The following CYFIP2 variants were observed in gnomAD, a reference collection of about 807,000 sequenced individuals.
CYFIP2 encodes cytoplasmic FMR1 interacting protein 2.
CYFIP2 carries 29 observed loss-of-function variants against 158.7 expected under a neutral mutation model. That is an observed-to-expected ratio of 0.18 (90% CI 0.14 to 0.25). The LOEUF (loss-of-function observed/expected upper bound fraction) is 0.25, where lower values mean the gene tolerates loss of function less well. Among genes scored for constraint, CYFIP2 ranks in the 10% least tolerant of loss-of-function variants. The probability of loss-of-function intolerance (pLI) is 1.00; values close to 1 mark genes in which losing one functional copy is unlikely to be tolerated. For missense variants in CYFIP2, 852 were observed against 1,639.5 expected (o/e 0.52, Z 8.29); for synonymous variants, 585 against 617.6 (o/e 0.95, Z 0.78).
chr5:157,341,602 A>G (rs1762262701), intron 23 of CYFIP2: 1 of 162,350 alleles, frequency 6.2e-6, no homozygotes, highest in Admixed American at 6.0e-5. Context: ...AACAGCTGTG[A>G]GTATATGAAT....
chr5:157,312,338 T>TA (rs1467725568), intron 11 of CYFIP2, among the ~76,000 whole-genome samples: 1 of 151,828 alleles, frequency 6.6e-6, no homozygotes. Flanking sequence ...TTTTTTTTTT[T>TA]AATGGAGACA....
chr5:157,335,687 T>C (rs190510186), intron 21 of CYFIP2, among the ~76,000 whole-genome samples: 5 of 152,316 alleles, frequency 3.3e-5, no homozygotes, highest in Admixed American at 2.0e-4. Context: ...GGTCACTTAC[T>C]CCAGGAGACT....
intron 1 of CYFIP2, among the ~76,000 whole-genome samples, chr5:157,268,050 AG>A (rs1755761303): frequency 6.6e-6 from 1 of 152,274 alleles, no homozygotes; most frequent in African/African-American, 2.4e-5. Flanking sequence ...TTGTGTACAC[AG>A]GGTTCCTCGT....
intron 20 of CYFIP2, among the ~76,000 whole-genome samples, chr5:157,331,209 G>A (rs1402988505): frequency 1.3e-5 from 2 of 152,020 alleles, no homozygotes; most frequent in African/African-American, 4.8e-5. Flanking sequence ...TCTAAGTGAG[G>A]AAGACTGTGG....
intron 26 of CYFIP2, among the ~76,000 whole-genome samples, chr5:157,375,066 C>A (rs1159350720): frequency 2.0e-5 from 3 of 152,152 alleles, no homozygotes; most frequent in East Asian, 3.9e-4. Flanking sequence ...TCAGCATTCC[C>A]AACTTGAGAC....
At chr5:157,307,524 A>G (rs1759332558) in intron 8 of CYFIP2, among the ~76,000 whole-genome samples, 1 of 152,178 alleles carries the variant, frequency 6.6e-6, no homozygotes, top group African/African-American at 2.4e-5. Flanking sequence ...GTAAGGGCTG[A>G]AGAAGTAGCT....
chr5:157,337,313 C>G (rs572458082), intron 21 of CYFIP2, among the ~76,000 whole-genome samples: 2 of 152,174 alleles, frequency 1.3e-5, no homozygotes, highest in African/African-American at 4.8e-5. Flanking sequence ...AAATTCTGAC[C>G]TTCTTTTGAA....
chr5:157,303,454 G>A (rs1758948422), intron 7 of CYFIP2, among the ~76,000 whole-genome samples: 1 of 152,170 alleles, frequency 6.6e-6, no homozygotes, highest in Admixed American at 6.5e-5. Context: ...CCCAACATAA[G>A]CAAGACAAGC....
At chr5:157,288,471 G>A (rs559654833) in intron 3 of CYFIP2, 3 of 389,846 alleles carry the variant, frequency 7.7e-6, no homozygotes, top group East Asian at 7.7e-5. Context: ...CATTCAATAA[G>A]TATTGTGTGG....
chr5:157,364,201 T>TGGGGGGGGGGGGG (rs1330747273), intron 26 of CYFIP2: 1 of 15,110 alleles, frequency 6.6e-5, no homozygotes, highest in East Asian at 9.7e-4. Flanking sequence ...TGGGGCGGGG[T>TGGGGGGGGGGGGG]GGCGGGGGGG....
chr5:157,364,201 T>TGGGGGGGGGGGGGGG (rs1330747273), intron 26 of CYFIP2: 3 of 15,108 alleles, frequency 2.0e-4, no homozygotes, highest in East Asian at 1.9e-3. Flanking sequence ...TGGGGCGGGG[T>TGGGGGGGGGGGGGGG]GGCGGGGGGG....
chr5:157,271,517 TA>T (rs1381435262), intron 1 of CYFIP2: 1 of 152,384 alleles, frequency 6.6e-6, no homozygotes, highest in Non-Finnish European at 1.5e-5. Flanking sequence ...ATGCAAGCAA[TA>T]ATATCACACA....
At chr5:157,286,319 C>T (rs897300523) in intron 2 of CYFIP2, among the ~76,000 whole-genome samples, 1 of 149,896 alleles carries the variant, frequency 6.7e-6, no homozygotes, top group African/African-American at 2.4e-5. Flanking sequence ...CGGATATATA[C>T]CTTTTTTACC....
At chr5:157,296,529 G>A (rs1034632401) in intron 4 of CYFIP2, 144 bp from the exon 5 acceptor site, 1 of 726,764 alleles carries the variant, frequency 1.4e-6, no homozygotes, top group South Asian at 1.5e-5. Flanking sequence ...GGGAGGTTGA[G>A]GTTTCAGTGA....
intron 26 of CYFIP2, chr5:157,363,110 TCATGGCTGACTCAG>T (rs1763990777): frequency 6.6e-6 from 1 of 152,436 alleles, no homozygotes; most frequent in East Asian, 1.9e-4. Context: ...TTGCTCTGCC[TCATGGCTGACTCAG>T]AGACTGTGCT....
At chr5:157,348,702 G>GC (rs1478871367) in intron 23 of CYFIP2, among the ~76,000 whole-genome samples, 4 of 152,020 alleles carry the variant, frequency 2.6e-5, no homozygotes, top group Non-Finnish European at 4.4e-5. Context: ...GTGAGCCACT[G>GC]CCCCCCGCCT....
At chr5:157,378,632 A>G (rs1197330911) in intron 26 of CYFIP2, among the ~76,000 whole-genome samples, 1 of 152,182 alleles carries the variant, frequency 6.6e-6, no homozygotes, top group African/African-American at 2.4e-5. Context: ...TGCTTATTTA[A>G]GCATCTGTGT....
chr5:157,373,542 G>T (rs965926828), intron 26 of CYFIP2, among the ~76,000 whole-genome samples: 3 of 152,244 alleles, frequency 2.0e-5, no homozygotes, highest in East Asian at 1.9e-4. Context: ...CTGAGAGCTG[G>T]TACTTGAGTG....
In CYFIP2 at chr5:157,302,778, A is replaced by G. The variant is rs567225719; in HGVS notation, c.570-16A>G. ...TTGGACAGTCCTCTCTGCAGCACCC[A>G]CTATCTGCGTTTCAGGGCAGCACAG... On this transcript the variant is annotated splice_polypyrimidine_tract_variant and intron_variant, in intron 6 of 30. Coordinates refer to ENST00000620254, the MANE Select transcript of CYFIP2 (RefSeq NM_001037333.3). 2.2e-5 allele frequency: 35 copies of G among 1,561,948 alleles called. No individual in the cohort carries two copies. In the African/African-American group the frequency reaches 4.7e-4, roughly 21 times the overall value.
Sources: gnomAD v4.1 joint callset for allele counts (sites outside exome capture counted in the v4.1 genomes callset) on GRCh38, gnomAD v4.1.1 for gene constraint, MANE v1.5 for transcripts, NCBI Gene and HGNC (gene_info 2026-07-23, HGNC 2026-07-21) for gene names.